Variants in ZFYVE16 observed in about 807,000 individuals in gnomAD.
ZFYVE16 encodes the protein zinc finger FYVE-type containing 16.
A neutral mutation model predicts 138.1 loss-of-function variants in ZFYVE16; 89 were observed. The ratio of observed to expected loss-of-function variants is 0.64; its 90% CI spans 0.54 to 0.77. ZFYVE16 has a LOEUF of 0.77. ZFYVE16 is among the 30% of genes least tolerant of loss of function. The probability of loss-of-function intolerance (pLI) is 0.00; values close to 1 mark genes in which losing one functional copy is unlikely to be tolerated. For synonymous variants in ZFYVE16, 596 were observed against 618.3 expected (o/e 0.96, Z 0.53); for missense variants, 1,793 against 1,786.7 (o/e 1.00, Z -0.06).
chr5:80,430,616 CAA>C (rs1175280922), intron 2 of ZFYVE16, among the ~76,000 whole-genome samples: 1 of 151,854 alleles, frequency 6.6e-6, no homozygotes, highest in African/African-American at 2.4e-5. Flanking sequence ...GATAGAGACA[CAA>C]AAAACCCTTC....
At chr5:80,470,102 TTTTTTTTTTTTTTTTTTGAGA>T (rs1211614350) in intron 15 of ZFYVE16, among the ~76,000 whole-genome samples, 11 of 20,326 alleles carry the variant, frequency 5.4e-4, no homozygotes, top group Admixed American at 8.8e-4. Flanking sequence ...TGTGTGTGTA[TTTTTTTTTTTTTTTTTTGAGA>T]CAGAGTCTCA....
intron 3 of ZFYVE16, 110 bp downstream of exon 3, chr5:80,434,327 T>C (rs754147688): frequency 9.7e-7 from 1 of 1,031,024 alleles, no homozygotes. Flanking sequence ...TTTGGTCACG[T>C]TATCTTCTGC....
intron 1 of ZFYVE16, among the ~76,000 whole-genome samples, chr5:80,413,795 C>G (rs775767742): frequency 6.6e-6 from 1 of 152,120 alleles, no homozygotes; most frequent in Non-Finnish European, 1.5e-5. Flanking sequence ...TTATCACTTC[C>G]AGTTTTTTAA....
In ZFYVE16 at chr5:80,415,739, C is replaced by G. The variant is rs191232984; in HGVS notation, c.-94+7586C>G. Among the ~76,000 whole-genome samples the G allele has an allele frequency of 7.2e-4, 109 of 152,156 alleles. 2 individuals are homozygous for G. Among genetic ancestry groups the G allele is most frequent in the African/African-American group, 2.5e-3 (103 of 41,504 alleles). ...CTGGAGTGCAGTGGTGCGATCTCAG[C>G]TCACTGCAACCTCTGCCTACCGGGT... On this transcript the variant is annotated intron_variant, in intron 1 of 18. Coordinates refer to ENST00000505560, the MANE Select transcript of ZFYVE16 (RefSeq NM_001284236.3).
chr5:80,448,496 GT>G, intron 8 of ZFYVE16, 92 bp downstream of exon 8: 1 of 1,276,204 alleles, frequency 7.8e-7, no homozygotes, highest in Non-Finnish European at 1.0e-6. Context: ...TTTTAACTTA[GT>G]TTGGTTGCAA....
Position 80,473,760 on chromosome 5 carries a change from C to T in ZFYVE16, c.4194C>T (p.Ile1398=). The part of the protein sequence containing the change: ...DAEEKGNKGV[I]SSVDGISLQG... Reference sequence around the variant, plus strand: ...ATTATGTTTTATTTCATAGAGTTATCAGTTCAGTGGATGGAATATCATTAC... The same window carrying T: ...ATTATGTTTTATTTCATAGAGTTATTAGTTCAGTGGATGGAATATCATTAC... The change falls in exon 17 of 19, where the codon ATC becomes ATT. Residue 1398 remains isoleucine, a synonymous_variant. Transcript: ENST00000505560. The T allele has an allele frequency of 6.2e-7, 1 of 1,604,250 alleles. No individual in the cohort carries two copies.
At chr5:80,416,171 AT>A (rs747684783) in intron 1 of ZFYVE16, among the ~76,000 whole-genome samples, 1 of 131,214 alleles carries the variant, frequency 7.6e-6, no homozygotes, top group African/African-American at 2.9e-5. Flanking sequence ...TTTTTTTTTT[AT>A]TTTTTTGCGT....
At chr5:80,440,888 C>T (rs1750636937) in intron 5 of ZFYVE16, 1 of 985,172 alleles carries the variant, frequency 1.0e-6, no homozygotes, top group African/African-American at 1.7e-5. Context: ...TTGTTTTTCT[C>T]TTTTGAATGA....
intron 4 of ZFYVE16, among the ~76,000 whole-genome samples, chr5:80,439,212 G>A (rs1750374662): frequency 6.6e-6 from 1 of 152,144 alleles, no homozygotes; most frequent in Non-Finnish European, 1.5e-5. Flanking sequence ...ATTGTCAGGG[G>A]CATTAAGTAC....
At position 80,421,960 on chromosome 5, in the gene ZFYVE16, C is replaced by T. The variant is rs1466404982; in HGVS notation, c.-93-5532C>T. On this transcript the variant is annotated intron_variant, in intron 1 of 18. Transcript: ENST00000505560. The stretch of plus-strand genomic sequence containing the variant: ...ATGTTCTTGCATTTGTTTGTGTCCT[C>T]TTTTATTTTGTTAAGCAGTGGTTTG... Among the ~76,000 whole-genome samples, 10 of 152,158 alleles carry T rather than the reference C, an allele frequency of 6.6e-5. No individual in the cohort carries two copies. In the East Asian group the frequency reaches 1.9e-3, roughly 29 times the overall value.
In ZFYVE16 at chr5:80,438,801, A is replaced by G. The variant is rs1488466266; in HGVS notation, c.2116A>G (p.Ile706Val). 3.7e-6 allele frequency: 6 copies of G among 1,614,090 alleles called. No homozygotes were observed. Among genetic ancestry groups the G allele is most frequent in the Middle Eastern group, 1.6e-4 (1 of 6,062 alleles). Reference sequence around the variant, plus strand: ...ACAGGTTAGCTTCAACTCTAATTACATTGATATAGAAAGTAATTCTGAAGG... The same window carrying G: ...ACAGGTTAGCTTCAACTCTAATTACGTTGATATAGAAAGTAATTCTGAAGG... ...DPQVSFNSNY[I>V]DIESNSEGGS... Residue 706 changes from isoleucine (I) to valine (V), a missense_variant, in exon 4 of 19, where the codon ATT becomes GTT. Around this residue, in one of 2 missense-constraint regions of ZFYVE16, gnomAD observed 1,295 missense variants for 1,204.3 expected, o/e 1.08. Transcript: ENST00000505560.
intron 15 of ZFYVE16, among the ~76,000 whole-genome samples, chr5:80,461,513 A>G (rs1753108552): frequency 6.6e-6 from 1 of 152,220 alleles, no homozygotes; most frequent in African/African-American, 2.4e-5. Flanking sequence ...CAACAGATTG[A>G]GTAGCGTAAA....
At position 80,438,656 on chromosome 5, in the gene ZFYVE16, A is replaced by G. The variant is rs1750287999; in HGVS notation, c.1971A>G (p.Ser657=). Residue 657 remains serine, a synonymous_variant, in exon 4 of 19, where the codon TCA becomes TCG. Coordinates refer to ENST00000505560, the MANE Select transcript of ZFYVE16 (RefSeq NM_001284236.3). ...CTAAGCAATTGTTTAGCCTTCCATC[A>G]AGAACAAGGAGTTCAAAGGACCTGA... is the stretch of plus-strand genomic sequence containing the variant. ...ARPKQLFSLP[S]RTRSSKDLNK... 2 of 1,614,008 alleles carry G rather than the reference A, an allele frequency of 1.2e-6. No individual in the cohort carries two copies. Among genetic ancestry groups the G allele is most frequent in the Admixed American group, 3.3e-5 (2 of 59,982 alleles).
intron 15 of ZFYVE16, among the ~76,000 whole-genome samples, chr5:80,463,618 C>T (rs1256098984): frequency 6.6e-6 from 1 of 152,254 alleles, no homozygotes; most frequent in East Asian, 1.9e-4. Flanking sequence ...CTGCAGCCAG[C>T]TTGAATTTCT....
Position 80,436,881 on chromosome 5 carries a change from T to C in ZFYVE16, c.196T>C (p.Cys66Arg). ...AAAAGACCAAGAGTGCGTTAATAGT[T>C]GTGCCTCATCAGAAACAAGCTATGG... Reference protein sequence around the residue: ...LPKDQECVNSCASSETSYGTN... With the variant: ...LPKDQECVNSRASSETSYGTN... Residue 66 changes from cysteine to arginine, a missense_variant, in exon 4 of 19, where the codon TGT (cysteine) becomes CGT (arginine). By Grantham distance (180) the Cys-to-Arg change is radical (BLOSUM62 -3). Transcript: ENST00000505560. The C allele has an allele frequency of 6.2e-7, 1 of 1,614,122 alleles. No homozygotes were observed. The highest frequency in any genetic ancestry group is 8.5e-7 in the Non-Finnish European group (1 of 1,180,022).
Position 80,478,952 on chromosome 5 carries a change from C to T in ZFYVE16, c.*1575C>T, listed in dbSNP as rs894877107. The stretch of plus-strand genomic sequence containing the variant: ...GTGTAAGATGAAAACAATTGCATAT[C>T]AAACCCAATTTATGTTTTCTAAATA... On this transcript the variant is annotated 3_prime_UTR_variant, in exon 19 of 19. Transcript: ENST00000505560. 4 of 152,082 alleles carry T rather than the reference C, an allele frequency of 2.6e-5. No individual in the cohort carries two copies. The highest frequency in any genetic ancestry group is 9.7e-5 in the African/African-American group (4 of 41,432). 9.4% of individuals were successfully genotyped at this position (152,082 alleles called of 1,614,324 possible). A position where few individuals can be genotyped will look rare whatever the true frequency, so the allele number is the denominator to read the frequency against.
chr5:80,473,375 A>C (rs559054416), intron 16 of ZFYVE16, among the ~76,000 whole-genome samples: 1 of 152,192 alleles, frequency 6.6e-6, no homozygotes, highest in African/African-American at 2.4e-5. Context: ...TCCTCTCTTC[A>C]GTTACCCATT....
intron 2 of ZFYVE16, among the ~76,000 whole-genome samples, chr5:80,432,012 A>G (rs562365687): frequency 6.6e-6 from 1 of 152,218 alleles, no homozygotes; most frequent in African/African-American, 2.4e-5. Context: ...ATACTGCCCA[A>G]GGTAATTTAT....
Position 80,445,294 on chromosome 5 carries a change from GT to G in ZFYVE16, c.2616del (p.Phe872LeufsTer37), listed in dbSNP as rs1291742293. 2 of 1,613,738 alleles carry G rather than the reference GT, an allele frequency of 1.2e-6. No individual in the cohort carries two copies. The highest frequency in any genetic ancestry group is 4.5e-5 in the East Asian group (2 of 44,836). ...LCSKEQKRVW[F>X]ADGILPNGEV... The stretch of plus-strand genomic sequence containing the variant: ...GTTCCAAAGAACAGAAGAGAGTATG[GT>G]TTGCAGATGGTATATTGCCCAATGG... On this transcript the variant is annotated frameshift_variant, in exon 7 of 19. Coordinates refer to ENST00000505560, the MANE Select transcript of ZFYVE16 (RefSeq NM_001284236.3). LOFTEE classifies it high-confidence loss of function.
Sources: allele counts gnomAD v4.1 joint callset (sites outside exome capture counted in the v4.1 genomes callset), GRCh38; gene constraint gnomAD v4.1.1; regional missense constraint gnomAD v4.1.1; transcripts MANE v1.5; gene names NCBI Gene and HGNC (gene_info 2026-07-23, HGNC 2026-07-21).